Variants in CDH4 observed in about 807,000 individuals in gnomAD.
CDH4 encodes cadherin-4.
CDH4 carries 33 observed loss-of-function variants against 86.0 expected under a neutral mutation model. That is an observed-to-expected ratio of 0.38 (90% confidence interval 0.29 to 0.51). CDH4 has a LOEUF of 0.51. Among genes scored for constraint, CDH4 ranks in the 20% least tolerant of loss-of-function variants. CDH4 has a pLI of 0.86. For missense variants in CDH4, 1,114 were observed against 1,307.4 expected (o/e 0.85, Z 2.28); for synonymous variants, 555 against 549.4 (o/e 1.01, Z -0.14).
chr20:61,886,036 C>T (rs1483062743), intron 7 of CDH4, among the ~76,000 whole-genome samples: 2 of 152,214 alleles, frequency 1.3e-5, no homozygotes, highest in African/African-American at 4.8e-5. Context: ...GGATGCAGGG[C>T]ATCTGCAAGC....
intron 2 of CDH4, among the ~76,000 whole-genome samples, chr20:61,595,380 C>T (rs1205866031): frequency 2.0e-5 from 3 of 152,228 alleles, no homozygotes; most frequent in African/African-American, 4.8e-5. Flanking sequence ...ATGGAGTGTG[C>T]CCGTCAGGGC....
At chr20:61,351,513 G>A (rs972269105) in intron 2 of CDH4, among the ~76,000 whole-genome samples, 2 of 152,118 alleles carry the variant, frequency 1.3e-5, no homozygotes, top group Non-Finnish European at 2.9e-5. Context: ...TAGACATATA[G>A]TTCTGCAACT....
At chr20:61,914,392 G>A (rs115482968) in intron 9 of CDH4, among the ~76,000 whole-genome samples, 1,570 of 152,200 alleles carry the variant, frequency 0.01, 31 homozygotes, top group African/African-American at 0.036. Context: ...TCCCTCTCCT[G>A]TCTGCTCTTT....
At chr20:61,308,420 C>T (rs1194996540) in intron 2 of CDH4, among the ~76,000 whole-genome samples, 2 of 152,124 alleles carry the variant, frequency 1.3e-5, no homozygotes, top group Non-Finnish European at 2.9e-5. Context: ...GAAGGCAGGG[C>T]GAGGTGAAGT....
At chr20:61,614,948 T>A (rs1417298389) in intron 2 of CDH4, among the ~76,000 whole-genome samples, 1 of 152,004 alleles carries the variant, frequency 6.6e-6, no homozygotes, top group East Asian at 1.9e-4. Context: ...AGCCCTGCTG[T>A]CCAGGTTTCA....
At chr20:61,765,643 C>G (rs1196149321) in intron 3 of CDH4, among the ~76,000 whole-genome samples, 1 of 152,176 alleles carries the variant, frequency 6.6e-6, no homozygotes, top group East Asian at 1.9e-4. Context: ...TGTGAACAGA[C>G]TCTGAGGAGC....
intron 2 of CDH4, among the ~76,000 whole-genome samples, chr20:61,332,806 G>A (rs2084590412): frequency 6.6e-6 from 1 of 152,212 alleles, no homozygotes; most frequent in Non-Finnish European, 1.5e-5. Flanking sequence ...TGTGGCGCCA[G>A]TCCTTCCTCT....
intron 2 of CDH4, among the ~76,000 whole-genome samples, chr20:61,468,726 T>C (rs1406255863): frequency 2.6e-5 from 4 of 152,206 alleles, no homozygotes; most frequent in African/African-American, 7.2e-5. Flanking sequence ...ATCCTTCTAC[T>C]AGTAACCATT....
At chr20:61,571,323 A>G (rs1005208699) in intron 2 of CDH4, among the ~76,000 whole-genome samples, 6 of 152,036 alleles carry the variant, frequency 3.9e-5, no homozygotes, top group African/African-American at 1.4e-4. Flanking sequence ...TGCGTGGCTG[A>G]TGTTGGTGCA....
chr20:61,680,779 G>A (rs151293839), intron 2 of CDH4, among the ~76,000 whole-genome samples: 10 of 152,108 alleles, frequency 6.6e-5, no homozygotes, highest in African/African-American at 2.2e-4. Flanking sequence ...GCAGGACCTC[G>A]GACAGCCTCA....
At chr20:61,691,253 G>C (rs1316733912) in intron 2 of CDH4, among the ~76,000 whole-genome samples, 3 of 152,138 alleles carry the variant, frequency 2.0e-5, no homozygotes, top group African/African-American at 7.2e-5. Context: ...TAAGAATTCA[G>C]TGTGTGTGTG....
intron 2 of CDH4, among the ~76,000 whole-genome samples, chr20:61,644,101 A>G (rs2087037479): frequency 6.6e-6 from 1 of 152,172 alleles, no homozygotes; most frequent in African/African-American, 2.4e-5. Flanking sequence ...AGGCAGGCCA[A>G]GCAGTTAGAT....
chr20:61,337,424 C>A (rs60828599), intron 2 of CDH4, among the ~76,000 whole-genome samples: 42,599 of 134,242 alleles, frequency 0.32, 6,330 homozygotes, highest in African/African-American at 0.42. Flanking sequence ...ACTGCTGCTG[C>A]TGATGATGCT....
intron 4 of CDH4, among the ~76,000 whole-genome samples, chr20:61,841,608 C>A (rs1186488891): frequency 6.6e-6 from 1 of 152,156 alleles, no homozygotes. Flanking sequence ...CCCTAGGTCG[C>A]TGTCTCTGAA....
chr20:61,916,692 G>A (rs1483241997), intron 9 of CDH4, among the ~76,000 whole-genome samples: 1 of 152,226 alleles, frequency 6.6e-6, no homozygotes, highest in Non-Finnish European at 1.5e-5. Context: ...TATCATGTAT[G>A]TACACTGCAG....
At chr20:61,335,107 T>TG (rs1269943574) in intron 2 of CDH4, among the ~76,000 whole-genome samples, 3 of 152,300 alleles carry the variant, frequency 2.0e-5, no homozygotes, top group Admixed American at 6.5e-5. Flanking sequence ...CATGAGCCAC[T>TG]TTACAGAGTT....
chr20:61,308,754 C>T (rs2084430303), intron 2 of CDH4, among the ~76,000 whole-genome samples: 1 of 152,238 alleles, frequency 6.6e-6, no homozygotes, highest in Non-Finnish European at 1.5e-5. Context: ...TTGATGATTG[C>T]AGGCGGAGGA....
chr20:61,797,771 A>AAACAAAAAAGCC (rs1979608392), intron 4 of CDH4, among the ~76,000 whole-genome samples: 1 of 152,184 alleles, frequency 6.6e-6, no homozygotes, highest in South Asian at 2.1e-4. Flanking sequence ...TGGCTGACAA[A>AAACAAAAAAGCC]GTGAGACCCC....
At position 61,806,404 on chromosome 20, in the gene CDH4, C is replaced by T. The variant is rs575619911; in HGVS notation, c.576+33222C>T. Among the ~76,000 whole-genome samples the T allele has an allele frequency of 4.8e-4, 73 of 152,344 alleles. 1 individual carries two copies. The highest frequency in any genetic ancestry group is 1.7e-3 in the African/African-American group (71 of 41,580). Reference sequence around the variant, plus strand: ...AGGAACACACGGGGAGGACCGTCCACTCGCCTGCAGGAGGGCACCAGAAAC... The same window carrying T: ...AGGAACACACGGGGAGGACCGTCCATTCGCCTGCAGGAGGGCACCAGAAAC... On this transcript the variant is annotated intron_variant, in intron 4 of 15. Coordinates refer to ENST00000614565, the MANE Select transcript of CDH4 (RefSeq NM_001794.5).
Sources: gnomAD v4.1 joint callset for allele counts (sites outside exome capture counted in the v4.1 genomes callset) on GRCh38, gnomAD v4.1.1 for gene constraint, MANE v1.5 for transcripts, NCBI Gene and HGNC (gene_info 2026-07-23, HGNC 2026-07-21) for gene names.